EPS15: variants seen among roughly 807,000 people sequenced by gnomAD.
EPS15 encodes the protein epidermal growth factor receptor pathway substrate 15.
A neutral mutation model predicts 113.8 loss-of-function variants in EPS15; 72 were observed. That is an observed-to-expected ratio of 0.63 (90% confidence interval 0.52 to 0.77). The LOEUF is 0.77. Ranked by LOEUF, EPS15 falls within the 30% of genes least tolerant of loss-of-function variation. The probability of loss-of-function intolerance (pLI) is 0.00; values close to 1 mark genes in which losing one functional copy is unlikely to be tolerated. For synonymous variants in EPS15, 344 were observed against 363.4 expected, an observed-to-expected ratio of 0.95 and a Z score of 0.61; for missense variants, 1,048 against 1,045.8, an observed-to-expected ratio of 1.00 and a Z score of -0.03.
intron 21 of EPS15, among the ~76,000 whole-genome samples, chr1:51,384,054 A>G (rs1226989758): frequency 6.6e-6 from 1 of 152,212 alleles, no homozygotes; most frequent in Non-Finnish European, 1.5e-5. Context: ...CTGACAATAC[A>G]ATACATTCTG....
At chr1:51,467,840 T>A (rs889568122) in intron 5 of EPS15, among the ~76,000 whole-genome samples, 2 of 151,952 alleles carry the variant, frequency 1.3e-5, no homozygotes, top group African/African-American at 4.8e-5. Context: ...AAACCATCCA[T>A]CCCTCCCAGG....
At chr1:51,518,016 G>T (rs929098646) in intron 1 of EPS15, among the ~76,000 whole-genome samples, 18 of 152,116 alleles carry the variant, frequency 1.2e-4, no homozygotes, top group African/African-American at 4.1e-4. Flanking sequence ...CTAGGCCAAG[G>T]AGTACAAGAT....
chr1:51,518,979 C>G (rs865810889), intron 1 of EPS15, among the ~76,000 whole-genome samples: 1 of 151,026 alleles, frequency 6.6e-6, no homozygotes, highest in African/African-American at 2.4e-5. Flanking sequence ...AGGAGGCGCC[C>G]GACGACCCTG....
chr1:51,497,428 T>C (rs1295309911), intron 1 of EPS15, among the ~76,000 whole-genome samples: 1 of 152,134 alleles, frequency 6.6e-6, no homozygotes, highest in Non-Finnish European at 1.5e-5. Context: ...TCATGACAAA[T>C]GCAAAGAAAA....
chr1:51,361,308 T>A lies in EPS15; in HGVS notation c.2407A>T (p.Asn803Tyr). The A allele has an allele frequency of 6.2e-7, 1 of 1,614,018 alleles. No homozygotes were observed. The highest frequency in any genetic ancestry group is 8.5e-7 in the Non-Finnish European group (1 of 1,179,898). The change falls in exon 24 of 25, where the codon AAT becomes TAT. Residue 803 changes from asparagine to tyrosine, a missense_variant. Transcript: ENST00000371733. ...CCTGGGAAAGGCTGAAATGGATCAT[T>A]CAGTTTAAAGGGATCAGGAGAATCC... ...KLDSPDPFKLNDPFQPFPGND... is the reference protein window; with the variant it reads ...KLDSPDPFKLYDPFQPFPGND...
intron 1 of EPS15, among the ~76,000 whole-genome samples, chr1:51,514,381 C>T (rs1254977315): frequency 6.7e-6 from 1 of 149,990 alleles, no homozygotes; most frequent in East Asian, 1.9e-4. Context: ...TTTTTAAAAA[C>T]TTTTATTTTA....
At chr1:51,408,437 G>T in intron 14 of EPS15, 105 bp from the exon 15 acceptor site, 1 of 812,650 alleles carries the variant, frequency 1.2e-6, no homozygotes, top group Non-Finnish European at 2.0e-6. Flanking sequence ...CTATTTTGGT[G>T]TTTTTTTTGA....
chr1:51,415,289 A>T (rs1650102543), intron 13 of EPS15, among the ~76,000 whole-genome samples: 1 of 152,216 alleles, frequency 6.6e-6, no homozygotes, highest in African/African-American at 2.4e-5. Context: ...AAGAGCAAAC[A>T]CATTCATTCA....
At chr1:51,461,263 T>C (rs771355247) in intron 7 of EPS15, 113 bp from the exon 8 acceptor site, 1 of 730,006 alleles carries the variant, frequency 1.4e-6, no homozygotes, top group Non-Finnish European at 2.4e-6. Flanking sequence ...CCATATGGCC[T>C]CCCAGCACTT....
chr1:51,471,101 C>T (rs957695386), intron 4 of EPS15, among the ~76,000 whole-genome samples: 4 of 152,160 alleles, frequency 2.6e-5, no homozygotes, highest in Non-Finnish European at 4.4e-5. Context: ...GGGGAGGAAG[C>T]CTAACTTTGA....
At chr1:51,494,294 C>T (rs555209477) in intron 1 of EPS15, among the ~76,000 whole-genome samples, 10 of 152,344 alleles carry the variant, frequency 6.6e-5, no homozygotes, top group African/African-American at 2.4e-4. Context: ...ACCTCTTCTT[C>T]CAGATTATAA....
At chr1:51,475,507 C>T (rs1423165254) in intron 2 of EPS15, among the ~76,000 whole-genome samples, 2 of 152,142 alleles carry the variant, frequency 1.3e-5, no homozygotes, top group African/African-American at 4.8e-5. Flanking sequence ...ATATCCTTCG[C>T]CTACTTTTTG....
intron 12 of EPS15, among the ~76,000 whole-genome samples, chr1:51,432,298 T>TATGTATG (rs1651795570): frequency 6.9e-6 from 1 of 145,884 alleles, no homozygotes; most frequent in Non-Finnish European, 1.5e-5. Context: ...GCCACATAGA[T>TATGTATG]TATGTATGTA....
At chr1:51,471,633 G>A (rs1482824504) in intron 4 of EPS15, 57 bp downstream of exon 4, 23 of 1,331,888 alleles carry the variant, frequency 1.7e-5, no homozygotes, top group Non-Finnish European at 2.4e-5. Flanking sequence ...AACCCTGCTG[G>A]CTATTTTTTA....
rs867053999 is a variant in EPS15, at chr1:51,363,934, C to T, written c.2291G>A (p.Ser764Asn). ...KNVFEETSVK[S>N]EDEPPALPPK... is the part of the protein sequence containing the mutation. ...TGGCAGTGCTGGGGGTTCATCTTCA[C>T]TTTTGACCGATGTTTCCTCAAATAC... The change falls in exon 23 of 25, where the codon AGT becomes AAT. Residue 764 changes from serine to asparagine, a missense_variant. By Grantham distance (46) the Ser-to-Asn change is conservative (BLOSUM62 1). Transcript: ENST00000371733. 3 of 1,614,030 alleles carry T rather than the reference C, an allele frequency of 1.9e-6. No individual in the cohort carries two copies. The highest frequency in any genetic ancestry group is 2.2e-5 in the East Asian group (1 of 44,880).
At chr1:51,437,496 T>C (rs1176904229) in intron 12 of EPS15, among the ~76,000 whole-genome samples, 3 of 150,450 alleles carry the variant, frequency 2.0e-5, no homozygotes, top group Non-Finnish European at 4.5e-5. Context: ...AAAAAAATTT[T>C]TTTTTTTTTT....
chr1:51,407,933 C>T (rs1028969241), intron 15 of EPS15, among the ~76,000 whole-genome samples: 2 of 152,074 alleles, frequency 1.3e-5, no homozygotes, highest in African/African-American at 4.8e-5. Context: ...ATCACTACTC[C>T]AATGATAATC....
At chr1:51,508,233 GAAAAGAA>G (rs753312317) in intron 1 of EPS15, among the ~76,000 whole-genome samples, 12 of 69,184 alleles carry the variant, frequency 1.7e-4, no homozygotes, top group Admixed American at 5.7e-4. Flanking sequence ...GAAAAGAAAA[GAAAAGAA>G]AGAGAGAAAG....
intron 12 of EPS15, among the ~76,000 whole-genome samples, chr1:51,427,380 C>T (rs951362514): frequency 6.6e-6 from 1 of 152,138 alleles, no homozygotes; most frequent in African/African-American, 2.4e-5. Flanking sequence ...TTAGGAGGTA[C>T]ATAAAACCAG....
Sources: gnomAD v4.1 joint callset for allele counts (sites outside exome capture counted in the v4.1 genomes callset) on GRCh38, gnomAD v4.1.1 for gene constraint, MANE v1.5 for transcripts, NCBI Gene and HGNC (gene_info 2026-07-23, HGNC 2026-07-21) for gene names.